LRCH1: variants seen among roughly 807,000 people sequenced by gnomAD.
LRCH1 encodes the protein leucine rich repeats and calponin homology domain containing 1.
Under a neutral mutation model 94.9 loss-of-function variants are expected in LRCH1, and 23 were observed. The ratio of observed to expected loss-of-function variants is 0.24; its 90% confidence interval spans 0.17 to 0.34. The LOEUF (loss-of-function observed/expected upper bound fraction) is 0.34. Among genes scored for constraint, LRCH1 ranks in the 10% least tolerant of loss-of-function variants. The pLI is 1.00. For synonymous variants in LRCH1, 364 were observed against 354.9 expected, an observed-to-expected ratio of 1.03 and a Z score of -0.29; for missense variants, 790 against 945.9, an observed-to-expected ratio of 0.84 and a Z score of 2.16.
intron 1 of LRCH1, among the ~76,000 whole-genome samples, chr13:46,573,868 T>A (rs372443069): frequency 0.26 from 10,545 of 40,016 alleles, 897 homozygotes; most frequent in Middle Eastern, 0.4. Context: ...ATATATATAT[T>A]TTTTTTTTTT....
chr13:46,617,366 C>G (rs1461841771), intron 1 of LRCH1, among the ~76,000 whole-genome samples: 1 of 152,194 alleles, frequency 6.6e-6, no homozygotes, highest in Non-Finnish European at 1.5e-5. Flanking sequence ...CTTCATTTGT[C>G]TAAGTCTCTC....
chr13:46,687,930 T>C lies in LRCH1; in HGVS notation c.901T>C (p.Tyr301His), dbSNP rs201406758. 42 of 1,612,822 alleles carry C rather than the reference T, an allele frequency of 2.6e-5. No individual in the cohort carries two copies. Among genetic ancestry groups the C allele is most frequent in the Non-Finnish European group, 3.4e-5 (40 of 1,179,354 alleles). Residue 301 changes from tyrosine to histidine, a missense_variant, in exon 6 of 20, where the codon TAT (tyrosine) becomes CAT (histidine). Physicochemically the swap from Tyr to His is moderately conservative, Grantham distance 83. Transcript: ENST00000389797. ...CCAGATTAAGACAGCTGACTCCCTT[T>C]ATCTCCACACCATGGAGAGGCCACA... The part of the protein sequence containing the change: ...ACQIKTADSL[Y>H]LHTMERPHLH...
rs1873694377 is a variant in LRCH1 at position 46,742,143 on chromosome 13, C to T, written c.*295C>T. ...CAGCAGCAGTGCCACGCAGTTCCTC[C>T]TCTCCCTCCCGGTGAGCTGCTGCCC... On this transcript the variant is annotated 3_prime_UTR_variant, in exon 20 of 20. Transcript: ENST00000389797. 1 of 1,222,064 alleles carries T rather than the reference C, an allele frequency of 8.2e-7. No individual in the cohort carries two copies. Among genetic ancestry groups the T allele is most frequent in the Non-Finnish European group, 1.0e-6 (1 of 973,730 alleles). The allele number at this position is 1,222,064 out of a possible 1,614,324, so 75.7% of individuals were successfully genotyped here. A position where few individuals can be genotyped will look rare whatever the true frequency, so the allele number is the denominator to read the frequency against.
chr13:46,586,537 C>T (rs747179631), intron 1 of LRCH1, among the ~76,000 whole-genome samples: 12 of 152,108 alleles, frequency 7.9e-5, no homozygotes, highest in Admixed American at 2.0e-4. Context: ...CCACCTCAGC[C>T]TCCCGAATAG....
chr13:46,682,973 G>A (rs1870411192), intron 4 of LRCH1, among the ~76,000 whole-genome samples: 1 of 152,238 alleles, frequency 6.6e-6, no homozygotes, highest in African/African-American at 2.4e-5. Context: ...ATGAACGGAT[G>A]AGTCCTGGAA....
rs765213372 is a variant in LRCH1, at chr13:46,668,996, G to C, written c.453-34G>C. The C allele has an allele frequency of 3.7e-6, 6 of 1,612,916 alleles. No homozygotes were observed. The African/African-American group carries it at 8.0e-5, about 22-fold the overall frequency. On this transcript the variant is annotated intron_variant, in intron 2 of 19. Transcript: ENST00000389797. ...ACAGACAGTATGAAGTGGCCTTTCT[G>C]TTTACATGTGTTCTTGTTGTATTGT...
At chr13:46,692,669 G>C (rs759496824) in intron 8 of LRCH1, 28 bp downstream of exon 8, 11 of 1,558,702 alleles carry the variant, frequency 7.1e-6, no homozygotes. Context: ...TGGAGAAAGT[G>C]CTTGTTTTTC....
intron 14 of LRCH1, 63 bp downstream of exon 14, chr13:46,711,907 T>TCTG: frequency 8.1e-7 from 1 of 1,231,248 alleles, no homozygotes; most frequent in Non-Finnish European, 1.2e-6. Flanking sequence ...GGAATATCTT[T>TCTG]TACAGAAATA....
At chr13:46,596,940 A>C (rs1195037904) in intron 1 of LRCH1, among the ~76,000 whole-genome samples, 2 of 152,188 alleles carry the variant, frequency 1.3e-5, no homozygotes, top group African/African-American at 4.8e-5. Flanking sequence ...GACCTTTTAA[A>C]AGTTTCCCCC....
intron 19 of LRCH1, 30 bp from the exon 20 acceptor site, chr13:46,741,611 CT>C (rs775619591): frequency 6.2e-7 from 1 of 1,613,868 alleles, no homozygotes; most frequent in South Asian, 1.1e-5. Context: ...TGCACTGTCT[CT>C]TTCTGTTCTA....
chr13:46,751,885 T>C (rs1874156450), exon 19 of LRCH1: 2 of 152,264 alleles, frequency 1.3e-5, no homozygotes, highest in African/African-American at 2.4e-5. Flanking sequence ...AGGAAATGAT[T>C]CTGAGATGTG....
chr13:46,605,336 C>A (rs2050675656), intron 1 of LRCH1, among the ~76,000 whole-genome samples: 1 of 152,206 alleles, frequency 6.6e-6, no homozygotes, highest in Admixed American at 6.5e-5. Context: ...ATAATGTGTT[C>A]TTTCCATGCT....
intron 15 of LRCH1, among the ~76,000 whole-genome samples, chr13:46,714,280 A>G (rs1204168789): frequency 6.6e-6 from 1 of 152,234 alleles, no homozygotes; most frequent in African/African-American, 2.4e-5. Flanking sequence ...GTTTACCTTC[A>G]GGATCATCAA....
chr13:46,677,328 C>G (rs1194684339), intron 3 of LRCH1, among the ~76,000 whole-genome samples: 1 of 150,806 alleles, frequency 6.6e-6, no homozygotes, highest in Non-Finnish European at 1.5e-5. Context: ...ACCTGGGAGA[C>G]TGAGGCGGGA....
At chr13:46,636,574 C>G (rs968073459) in intron 1 of LRCH1, among the ~76,000 whole-genome samples, 3 of 152,144 alleles carry the variant, frequency 2.0e-5, no homozygotes, top group East Asian at 3.8e-4. Flanking sequence ...TCTGGGTAAT[C>G]GTCCATTCTC....
intron 3 of LRCH1, among the ~76,000 whole-genome samples, chr13:46,669,435 G>A (rs2051567766): frequency 6.6e-6 from 1 of 152,154 alleles, no homozygotes; most frequent in Non-Finnish European, 1.5e-5. Context: ...GTTGTAGTTA[G>A]TATTTTCAGA....
chr13:46,676,290 C>T (rs543369561), intron 3 of LRCH1, among the ~76,000 whole-genome samples: 1 of 152,216 alleles, frequency 6.6e-6, no homozygotes, highest in South Asian at 2.1e-4. Context: ...AAGTTCTGAC[C>T]ACAAGCATTG....
At chr13:46,650,943 T>C (rs992497963) in intron 2 of LRCH1, among the ~76,000 whole-genome samples, 2 of 152,220 alleles carry the variant, frequency 1.3e-5, no homozygotes, top group African/African-American at 4.8e-5. Context: ...GTAATGTGCA[T>C]TGATTGATTA....
At chr13:46,652,541 C>T (rs1404547423) in intron 2 of LRCH1, among the ~76,000 whole-genome samples, 1 of 152,126 alleles carries the variant, frequency 6.6e-6, no homozygotes, top group African/African-American at 2.4e-5. Context: ...TCTAACTTAT[C>T]TGACCATTTT....
Sources: gnomAD v4.1 joint callset for allele counts (sites outside exome capture counted in the v4.1 genomes callset) on GRCh38, gnomAD v4.1.1 for gene constraint, MANE v1.5 for transcripts, NCBI Gene and HGNC (gene_info 2026-07-23, HGNC 2026-07-21) for gene names.